GRM3: variants seen among roughly 807,000 people sequenced by gnomAD.
GRM3 encodes the protein glutamate metabotropic receptor 3.
In GRM3, 26 loss-of-function variants were observed where a neutral mutation model predicts 70.5. The observed-to-expected ratio is 0.37, with a 90% CI of 0.27 to 0.51. The LOEUF (loss-of-function observed/expected upper bound fraction) is 0.51. GRM3 is among the 20% of genes least tolerant of loss of function. The probability of loss-of-function intolerance (pLI) is 0.93; values close to 1 mark genes in which losing one functional copy is unlikely to be tolerated. For missense variants in GRM3, 859 were observed against 1,123.8 expected (o/e 0.76, Z 3.37); for synonymous variants, 443 against 434.9 (o/e 1.02, Z -0.23).
At chr7:86,689,113 T>G (rs1794637148) in intron 1 of GRM3, among the ~76,000 whole-genome samples, 1 of 151,330 alleles carries the variant, frequency 6.6e-6, no homozygotes, top group Non-Finnish European at 1.5e-5. Context: ...ACCAAGACAT[T>G]AAATGATGTT....
rs112722806 is a variant in GRM3 at position 86,838,987 on chromosome 7, G to A, written c.1473G>A (p.Ser491=). 2.9e-5 allele frequency: 47 copies of A among 1,614,020 alleles called. No homozygotes were observed. Among genetic ancestry groups the A allele is most frequent in the South Asian group, 2.2e-4 (20 of 91,070 alleles). The change falls in exon 4 of 6, where the codon TCG becomes TCA. Residue 491 remains serine (S), a synonymous_variant. Transcript: ENST00000361669. ...LKVGHWAETL[S]LDVNSIHWSR... Reference sequence around the variant, plus strand: ...TTGGTCACTGGGCAGAAACCTTATCGCTAGATGTCAACTCTATCCACTGGT... The same window carrying A: ...TTGGTCACTGGGCAGAAACCTTATCACTAGATGTCAACTCTATCCACTGGT...
At chr7:86,741,916 A>T (rs1177124739) in intron 1 of GRM3, among the ~76,000 whole-genome samples, 1 of 152,228 alleles carries the variant, frequency 6.6e-6, no homozygotes, top group Non-Finnish European at 1.5e-5. Context: ...AGTACTTCTC[A>T]GTTGTTCCAG....
intron 1 of GRM3, among the ~76,000 whole-genome samples, chr7:86,646,010 G>C (rs1330091603): frequency 2.2e-5 from 2 of 92,508 alleles, no homozygotes; most frequent in African/African-American, 3.9e-5. Flanking sequence ...GGGGGGTGGG[G>C]GGGGGTGGGA....
chr7:86,655,585 G>A (rs1439822998), intron 1 of GRM3, among the ~76,000 whole-genome samples: 3 of 148,660 alleles, frequency 2.0e-5, no homozygotes, highest in Non-Finnish European at 4.5e-5. Flanking sequence ...AACTTTGAGC[G>A]CTAAAGTTGA....
chr7:86,813,939 A>G (rs879581180), intron 3 of GRM3, among the ~76,000 whole-genome samples: 4 of 151,800 alleles, frequency 2.6e-5, no homozygotes, highest in Non-Finnish European at 5.9e-5. Context: ...AAAGGCTAAG[A>G]TCATCTTTCC....
At chr7:86,662,831 A>G (rs1397250991) in intron 1 of GRM3, among the ~76,000 whole-genome samples, 3 of 151,980 alleles carry the variant, frequency 2.0e-5, no homozygotes, top group African/African-American at 7.2e-5. Flanking sequence ...CAGCATACCT[A>G]ACCCCAAATA....
chr7:86,732,248 G>GA (rs1795751494), intron 1 of GRM3, among the ~76,000 whole-genome samples: 1 of 152,100 alleles, frequency 6.6e-6, no homozygotes, highest in African/African-American at 2.4e-5. Context: ...TAGCAGACGA[G>GA]AAAAAAACAA....
intron 1 of GRM3, among the ~76,000 whole-genome samples, chr7:86,707,202 C>A (rs763991762): frequency 7.9e-5 from 12 of 152,066 alleles, no homozygotes; most frequent in Non-Finnish European, 1.6e-4. Context: ...CTCTCTATGA[C>A]TGGTACACTC....
At chr7:86,837,305 C>G (rs898030047) in intron 3 of GRM3, among the ~76,000 whole-genome samples, 34 of 152,152 alleles carry the variant, frequency 2.2e-4, no homozygotes, top group Non-Finnish European at 1.2e-4. Flanking sequence ...TTAGCCCATA[C>G]AATAACTGGA....
intron 3 of GRM3, among the ~76,000 whole-genome samples, chr7:86,824,465 G>A (rs1321951713): frequency 6.6e-6 from 1 of 152,108 alleles, no homozygotes; most frequent in African/African-American, 2.4e-5. Context: ...CTTTTAATAT[G>A]ACTGTTCCTG....
At chr7:86,767,431 T>C (rs765644590) in intron 2 of GRM3, among the ~76,000 whole-genome samples, 20 of 149,932 alleles carry the variant, frequency 1.3e-4, no homozygotes, top group Non-Finnish European at 2.4e-4. Flanking sequence ...GCACATCATG[T>C]TAATTTTGCC....
chr7:86,644,326 A>T lies in GRM3; in HGVS notation c.-687A>T, dbSNP rs1418186492. On this transcript the variant is annotated 5_prime_UTR_variant, in exon 1 of 6. Transcript: ENST00000361669. ...GGAGGGTGGGGGAGGGAAAAGAACG[A>T]GAGAGGGAGGAAAGAATGAAAAGGA... 1 of 272,418 alleles carries T rather than the reference A, an allele frequency of 3.7e-6. No individual in the cohort carries two copies. The highest frequency in any genetic ancestry group is 1.2e-4 in the East Asian group (1 of 8,424). The allele number at this position is 272,418 out of a possible 1,614,324, so 16.9% of individuals were successfully genotyped here.
At chr7:86,798,430 A>G (rs1207126376) in intron 3 of GRM3, among the ~76,000 whole-genome samples, 1 of 152,168 alleles carries the variant, frequency 6.6e-6, no homozygotes, top group Non-Finnish European at 1.5e-5. Context: ...TTGGAGCTTC[A>G]AGATTTGACT....
chr7:86,827,075 A>AT (rs1798249418), intron 3 of GRM3, among the ~76,000 whole-genome samples: 1 of 152,210 alleles, frequency 6.6e-6, no homozygotes, highest in African/African-American at 2.4e-5. Flanking sequence ...AGGAATAGCA[A>AT]AGAGATGGGC....
chr7:86,696,366 G>T (rs1288751427), intron 1 of GRM3, among the ~76,000 whole-genome samples: 1 of 133,380 alleles, frequency 7.5e-6, no homozygotes, highest in East Asian at 4.1e-4. Context: ...CAATAGTAAA[G>T]ATTGGGGGGA....
intron 1 of GRM3, among the ~76,000 whole-genome samples, chr7:86,752,207 C>A (rs537290070): frequency 1.3e-5 from 2 of 152,142 alleles, no homozygotes; most frequent in South Asian, 4.1e-4. Flanking sequence ...ATCTGTCTGA[C>A]CTTACAATAC....
At chr7:86,676,337 T>C in intron 1 of GRM3, among the ~76,000 whole-genome samples, 1 of 151,806 alleles carries the variant, frequency 6.6e-6, no homozygotes, top group East Asian at 1.9e-4. Flanking sequence ...AATATCTCAA[T>C]AAAAGTGTAA....
rs546015900 is a variant in GRM3, at chr7:86,717,979, G to C, written c.-140-47027G>C. Among the ~76,000 whole-genome samples the C allele has an allele frequency of 6.5e-4, 98 of 151,564 alleles. 1 individual carries two copies. Among genetic ancestry groups the C allele is most frequent in the African/African-American group, 1.9e-3 (80 of 41,376 alleles). On this transcript the variant is annotated intron_variant, in intron 1 of 5. Transcript: ENST00000361669. ...AATGCCTCACTAAGGGTATTTTATT[G>C]ATGTGTGTTCATTTACTAGAGGCCT...
chr7:86,711,352 G>T (rs187748891), intron 1 of GRM3, among the ~76,000 whole-genome samples: 1 of 151,904 alleles, frequency 6.6e-6, no homozygotes, highest in South Asian at 2.1e-4. Flanking sequence ...ATATAAATAT[G>T]TATGCATATA....
Sources: allele counts gnomAD v4.1 joint callset (sites outside exome capture counted in the v4.1 genomes callset), GRCh38; gene constraint gnomAD v4.1.1; transcripts MANE v1.5; gene names NCBI Gene and HGNC (gene_info 2026-07-23, HGNC 2026-07-21).